KHDRBS2: variants seen among roughly 807,000 people sequenced by gnomAD.
KHDRBS2 encodes the protein KH RNA binding domain containing, signal transduction associated 2.
KHDRBS2 carries 26 observed loss-of-function variants against 44.3 expected under a neutral mutation model. That is an observed-to-expected ratio of 0.59 (90% CI 0.43 to 0.81). The LOEUF is 0.81. Among genes scored for constraint, KHDRBS2 ranks in the 40% least tolerant of loss-of-function variants. KHDRBS2 has a pLI of 0.00. For missense variants in KHDRBS2, 476 were observed against 433.1 expected, an observed-to-expected ratio of 1.10 and a Z score of -0.88; for synonymous variants, 194 against 151.1, an observed-to-expected ratio of 1.28 and a Z score of -2.08.
At chr6:61,834,275 C>T (rs563411111) in intron 6 of KHDRBS2, among the ~76,000 whole-genome samples, 1 of 151,844 alleles carries the variant, frequency 6.6e-6, no homozygotes, top group African/African-American at 2.4e-5. Flanking sequence ...TTTTTGGAAC[C>T]CAAAGACACA....
chr6:61,576,658 G>A, the KHDRBS2 span, among the ~76,000 whole-genome samples: 1 of 152,168 alleles, frequency 6.6e-6, no homozygotes, highest in East Asian at 1.9e-4. Context: ...TAGCTTTATT[G>A]AGATGTAGCT....
chr6:62,059,396 C>T (rs1410128170), intron 2 of KHDRBS2, among the ~76,000 whole-genome samples: 1 of 148,434 alleles, frequency 6.7e-6, no homozygotes, highest in East Asian at 2.0e-4. Context: ...GGTGTAAGCT[C>T]GATAAATGAT....
chr6:62,066,402 T>G (rs1411153104), intron 2 of KHDRBS2, among the ~76,000 whole-genome samples: 2 of 151,676 alleles, frequency 1.3e-5, no homozygotes, highest in African/African-American at 4.8e-5. Context: ...CAAGTAGTCA[T>G]AAAAGTAACA....
At chr6:62,035,226 A>G (rs531892590) in intron 3 of KHDRBS2, among the ~76,000 whole-genome samples, 1 of 152,104 alleles carries the variant, frequency 6.6e-6, no homozygotes, top group South Asian at 2.1e-4. Flanking sequence ...ATAGCCAAGA[A>G]TTCCAAGCAA....
At chr6:61,919,747 C>G (rs924340886) in intron 4 of KHDRBS2, among the ~76,000 whole-genome samples, 1 of 151,760 alleles carries the variant, frequency 6.6e-6, no homozygotes. Flanking sequence ...AAAAACCCCA[C>G]CAAACCATCA....
chr6:61,972,656 C>T (rs1436966812), intron 4 of KHDRBS2, among the ~76,000 whole-genome samples: 1 of 152,136 alleles, frequency 6.6e-6, no homozygotes. Flanking sequence ...CTGCATTGAA[C>T]TTTGTTTTTA....
rs189879866 is a variant in KHDRBS2 at position 62,227,121 on chromosome 6, C to T, written c.92-49809G>A. 8.6e-4 allele frequency among the ~76,000 whole-genome samples: 131 copies of T among 152,238 alleles called. 1 individual carries two copies. The highest frequency in any genetic ancestry group is 1.4e-3 in the Non-Finnish European group (97 of 68,018). The stretch of plus-strand genomic sequence containing the variant: ...TATAAATTACTTTGTGTAGTATAGC[C>T]ATTTTCACATTATTGATTCTTCCTA... On this transcript the variant is annotated intron_variant, in intron 1 of 8. Coordinates refer to ENST00000281156, the MANE Select transcript of KHDRBS2 (RefSeq NM_152688.4).
At chr6:62,151,266 G>C (rs1815124553) in intron 2 of KHDRBS2, among the ~76,000 whole-genome samples, 1 of 152,164 alleles carries the variant, frequency 6.6e-6, no homozygotes, top group South Asian at 2.1e-4. Context: ...CCAATAGATA[G>C]TTGCTGATAG....
chr6:62,203,293 G>A (rs1827349914), intron 1 of KHDRBS2, among the ~76,000 whole-genome samples: 1 of 152,118 alleles, frequency 6.6e-6, no homozygotes, highest in Admixed American at 6.6e-5. Flanking sequence ...TGGGGCGGTG[G>A]GAGGGCAGGG....
chr6:61,685,902 T>G (rs1766764259), intron 8 of KHDRBS2, among the ~76,000 whole-genome samples: 1 of 151,654 alleles, frequency 6.6e-6, no homozygotes, highest in South Asian at 2.1e-4. Flanking sequence ...GATACTGAGG[T>G]AGTTGGGAAA....
chr6:62,167,824 T>G (rs1819027360), intron 2 of KHDRBS2, among the ~76,000 whole-genome samples: 1 of 152,146 alleles, frequency 6.6e-6, no homozygotes, highest in Non-Finnish European at 1.5e-5. Flanking sequence ...TATAAGTGGC[T>G]ATATTTGGCT....
chr6:61,809,574 TA>T (rs1787773918), intron 6 of KHDRBS2, among the ~76,000 whole-genome samples: 1 of 152,212 alleles, frequency 6.6e-6, no homozygotes, highest in Admixed American at 6.5e-5. Context: ...AAAAAAAACC[TA>T]AAGCCAATGT....
intron 6 of KHDRBS2, among the ~76,000 whole-genome samples, chr6:61,892,042 C>A (rs1337207470): frequency 6.6e-6 from 1 of 152,194 alleles, no homozygotes; most frequent in Non-Finnish European, 1.5e-5. Context: ...TAATAAGCAA[C>A]TTCAGCAAAG....
intron 1 of KHDRBS2, among the ~76,000 whole-genome samples, chr6:62,243,185 A>G (rs756114149): frequency 5.3e-5 from 8 of 152,092 alleles, no homozygotes; most frequent in Non-Finnish European, 7.3e-5. Context: ...CTACATATAT[A>G]TATCTATATA....
the KHDRBS2 span, among the ~76,000 whole-genome samples, chr6:61,598,679 C>T: frequency 0.59 from 89,744 of 151,842 alleles, 26,725 homozygotes; most frequent in African/African-American, 0.61. Flanking sequence ...CCTGACCCAA[C>T]GGAATCTACT....
chr6:62,037,931 T>C (rs1387445565), intron 3 of KHDRBS2, among the ~76,000 whole-genome samples: 1 of 152,068 alleles, frequency 6.6e-6, no homozygotes, highest in Non-Finnish European at 1.5e-5. Context: ...TATAATATTT[T>C]AAAAGGAAAT....
At chr6:61,897,449 A>G (rs1803117691) in intron 5 of KHDRBS2, among the ~76,000 whole-genome samples, 1 of 152,128 alleles carries the variant, frequency 6.6e-6, no homozygotes, top group Non-Finnish European at 1.5e-5. Context: ...AAGAATAATT[A>G]TATTCTTCAT....
chr6:61,912,497 C>T (rs1471673228), intron 4 of KHDRBS2, among the ~76,000 whole-genome samples: 1 of 152,148 alleles, frequency 6.6e-6, no homozygotes, highest in Non-Finnish European at 1.5e-5. Flanking sequence ...TGAATTCACT[C>T]AGCTTCCAAA....
chr6:62,258,610 T>C (rs1204892897), intron 1 of KHDRBS2, among the ~76,000 whole-genome samples: 1 of 152,022 alleles, frequency 6.6e-6, no homozygotes, highest in African/African-American at 2.4e-5. Context: ...TTCATAAAAT[T>C]ATTAAAACAT....
Sources: allele counts gnomAD v4.1 joint callset (sites outside exome capture counted in the v4.1 genomes callset), GRCh38; gene constraint gnomAD v4.1.1; transcripts MANE v1.5; gene names NCBI Gene and HGNC (gene_info 2026-07-23, HGNC 2026-07-21).